The following GALNT10 variants were observed in gnomAD, a reference collection of about 807,000 sequenced individuals.
GALNT10 encodes the protein GalNAc transferase 10.
In GALNT10, 41 loss-of-function variants were observed where a neutral mutation model predicts 75.0. The ratio of observed to expected loss-of-function variants is 0.55; its 90% CI spans 0.43 to 0.71. The LOEUF is 0.71. Ranked by LOEUF, GALNT10 falls within the 30% of genes least tolerant of loss-of-function variation. GALNT10 has a pLI of 0.00. For synonymous variants in GALNT10, 302 were observed against 313.0 expected (o/e 0.96, Z 0.37); for missense variants, 727 against 818.5 (o/e 0.89, Z 1.36).
intron 6 of GALNT10, 99 bp from the exon 7 acceptor site, chr5:154,386,214 C>G: frequency 2.4e-6 from 2 of 836,686 alleles, no homozygotes; most frequent in Non-Finnish European, 3.9e-6. Flanking sequence ...CAGGGAGCAG[C>G]ATGGAACACC....
chr5:154,329,010 G>C (rs984373286), intron 3 of GALNT10, among the ~76,000 whole-genome samples: 9 of 151,942 alleles, frequency 5.9e-5, no homozygotes, highest in Non-Finnish European at 1.3e-4. Context: ...TCTAATTATG[G>C]CATGTTCTTT....
chr5:154,307,972 CAA>C (rs563510814), intron 3 of GALNT10, among the ~76,000 whole-genome samples: 1 of 126,996 alleles, frequency 7.9e-6, no homozygotes, highest in African/African-American at 2.9e-5. Flanking sequence ...AAATATCTTC[CAA>C]AAAAAAAAAG....
chr5:154,409,870 A>T lies in GALNT10; in HGVS notation c.1386+108A>T. 1 of 753,770 alleles carries T rather than the reference A, an allele frequency of 1.3e-6. No homozygotes were observed. Among genetic ancestry groups the T allele is most frequent in the Non-Finnish European group, 2.3e-6 (1 of 436,874 alleles). 46.7% of individuals were successfully genotyped at this position (753,770 alleles called of 1,614,324 possible). A position where few individuals can be genotyped will look rare whatever the true frequency, so the allele number is the denominator to read the frequency against. ...AGTCAGTGCAGGGAGGAAAGGCGTGAATATAAAATCGTTTCCTTTCTTTCC... is the reference window on the plus strand; with the variant it reads ...AGTCAGTGCAGGGAGGAAAGGCGTGTATATAAAATCGTTTCCTTTCTTTCC... On this transcript the variant is annotated intron_variant, in intron 9 of 11. Transcript: ENST00000297107. The surrounding 1 kb of genome is among the most constrained non-coding windows in gnomAD (Gnocchi z 4.5).
chr5:154,267,933 A>G (rs1211936636), intron 1 of GALNT10, among the ~76,000 whole-genome samples: 1 of 152,230 alleles, frequency 6.6e-6, no homozygotes, highest in Non-Finnish European at 1.5e-5. Context: ...GTAGAAACTG[A>G]TTAACAGGAT....
At chr5:154,275,359 G>T (rs984563003) in intron 1 of GALNT10, among the ~76,000 whole-genome samples, 2 of 152,200 alleles carry the variant, frequency 1.3e-5, no homozygotes, top group Non-Finnish European at 2.9e-5. Flanking sequence ...GTTGTAGTTT[G>T]ATATTGCCAT....
At chr5:154,369,585 C>T (rs913005078) in intron 4 of GALNT10, among the ~76,000 whole-genome samples, 2 of 152,200 alleles carry the variant, frequency 1.3e-5, no homozygotes, top group Non-Finnish European at 2.9e-5. Flanking sequence ...TGTTTACTAA[C>T]GTGTACCCTC....
At chr5:154,201,344 A>C (rs889025) in intron 1 of GALNT10, among the ~76,000 whole-genome samples, 146,097 of 152,168 alleles carry the variant, frequency 0.96, 70,174 homozygotes, top group African/African-American at 0.99. Context: ...CACGACTAGT[A>C]CCAAAGCCAA....
intron 1 of GALNT10, among the ~76,000 whole-genome samples, chr5:154,293,625 C>CTTTT (rs1320287927): frequency 2.3e-5 from 3 of 128,070 alleles, no homozygotes; most frequent in Admixed American, 7.6e-5. Context: ...TTTTTTTTTC[C>CTTTT]TTTCAGCCAT....
intron 1 of GALNT10, among the ~76,000 whole-genome samples, chr5:154,245,965 C>G (rs1753415734): frequency 6.6e-6 from 1 of 152,006 alleles, no homozygotes; most frequent in South Asian, 2.1e-4. Context: ...CCACTCCCCC[C>G]ACCCCACAAC....
At chr5:154,260,953 C>G (rs1753690636) in intron 1 of GALNT10, among the ~76,000 whole-genome samples, 1 of 151,968 alleles carries the variant, frequency 6.6e-6, no homozygotes, top group Admixed American at 6.6e-5. Flanking sequence ...CTTTATGAAC[C>G]AGCCTCTGCA....
chr5:154,307,564 G>A (rs1474137430), intron 3 of GALNT10, among the ~76,000 whole-genome samples: 2 of 151,244 alleles, frequency 1.3e-5, no homozygotes, highest in African/African-American at 4.9e-5. Flanking sequence ...AGCTTGCAGT[G>A]AGTCGAGATC....
At chr5:154,382,282 C>A (rs1755745373) in intron 6 of GALNT10, among the ~76,000 whole-genome samples, 1 of 152,224 alleles carries the variant, frequency 6.6e-6, no homozygotes, top group Non-Finnish European at 1.5e-5. Flanking sequence ...GAGTGGAGAG[C>A]AAGAATGGAT....
intron 1 of GALNT10, among the ~76,000 whole-genome samples, chr5:154,256,359 T>G (rs1036985542): frequency 5.9e-5 from 9 of 151,748 alleles, no homozygotes; most frequent in Admixed American, 1.3e-4. Flanking sequence ...TTTTGTTTTT[T>G]TTTTTTTAAT....
intron 1 of GALNT10, among the ~76,000 whole-genome samples, chr5:154,244,287 C>G (rs771351524): frequency 7.2e-5 from 11 of 152,150 alleles, no homozygotes; most frequent in Admixed American, 2.0e-4. Context: ...TTTCAGGAGG[C>G]TGGGTGTAGT....
intron 1 of GALNT10, 90 bp downstream of exon 1, chr5:154,191,115 C>A: frequency 1.1e-6 from 1 of 890,372 alleles, no homozygotes; most frequent in Non-Finnish European, 1.5e-6. Flanking sequence ...CTGCTGTCTG[C>A]CTCCTCAGAG....
chr5:154,268,182 A>G (rs1183259538), intron 1 of GALNT10, among the ~76,000 whole-genome samples: 1 of 152,220 alleles, frequency 6.6e-6, no homozygotes, highest in Non-Finnish European at 1.5e-5. Flanking sequence ...AAAGTTAGCC[A>G]AGCACCTTGT....
At chr5:154,356,392 G>T (rs1755299196) in intron 4 of GALNT10, 2 of 343,658 alleles carry the variant, frequency 5.8e-6, no homozygotes, top group South Asian at 4.4e-5. Flanking sequence ...TATGAGAAAG[G>T]CTCTGGGAGA....
intron 1 of GALNT10, among the ~76,000 whole-genome samples, chr5:154,195,003 C>T (rs1019212538): frequency 1.3e-5 from 2 of 152,182 alleles, no homozygotes; most frequent in Admixed American, 6.5e-5. Flanking sequence ...AGGGTATGTT[C>T]ATATTTGAAT....
At chr5:154,378,384 T>A (rs1755688697) in intron 5 of GALNT10, among the ~76,000 whole-genome samples, 1 of 152,020 alleles carries the variant, frequency 6.6e-6, no homozygotes, top group South Asian at 2.1e-4. Flanking sequence ...TCAGCCACAT[T>A]AACATTTGAA....
Sources: gnomAD v4.1 joint callset for allele counts (sites outside exome capture counted in the v4.1 genomes callset) on GRCh38, gnomAD v4.1.1 for gene constraint, Gnocchi (gnomAD v3.1) non-coding constraint, MANE v1.5 for transcripts, NCBI Gene and HGNC (gene_info 2026-07-23, HGNC 2026-07-21) for gene names.